ZWILCH: variants seen among roughly 807,000 people sequenced by gnomAD.
ZWILCH encodes the protein protein zwilch homolog.
ZWILCH carries 74 observed loss-of-function variants against 79.9 expected under a neutral mutation model. The ratio of observed to expected loss-of-function variants is 0.93; its 90% CI spans 0.77 to 1.12. The LOEUF is 1.12. Ranked by LOEUF, ZWILCH falls within the 50% of genes most tolerant of loss-of-function variation. ZWILCH has a pLI of 0.00. For missense variants in ZWILCH, 694 were observed against 687.5 expected (o/e 1.01, Z -0.11); for synonymous variants, 241 against 228.2 (o/e 1.06, Z -0.51).
At chr15:66,520,736 T>C in intron 6 of ZWILCH, 76 bp downstream of exon 6, 1 of 979,356 alleles carries the variant, frequency 1.0e-6, no homozygotes, top group Non-Finnish European at 1.5e-6. Flanking sequence ...CAGGTTTTTT[T>C]TCACTCCTAA....
intron 10 of ZWILCH, 41 bp downstream of exon 10, chr15:66,527,953 C>A: frequency 6.6e-7 from 1 of 1,524,050 alleles, no homozygotes; most frequent in Non-Finnish European, 8.9e-7. Context: ...ACAGAAATAG[C>A]TTTTAAAATT....
chr15:66,537,105 A>G (rs79853278), intron 15 of ZWILCH, 63 bp from the exon 16 acceptor site: 17,759 of 1,315,634 alleles, frequency 0.013, 198 homozygotes, highest in South Asian at 0.03. Context: ...GCTTTAGACT[A>G]CCAGAAAAAC....
chr15:66,544,207 A>G (rs1316112452), intron 17 of ZWILCH, among the ~76,000 whole-genome samples: 1 of 151,828 alleles, frequency 6.6e-6, no homozygotes, highest in African/African-American at 2.4e-5. Flanking sequence ...CAGTGAGCCG[A>G]TATCACGCCA....
At chr15:66,520,132 G>T (rs1894440159) in intron 5 of ZWILCH, among the ~76,000 whole-genome samples, 1 of 151,258 alleles carries the variant, frequency 6.6e-6, no homozygotes, top group South Asian at 2.1e-4. Flanking sequence ...CTTATTTTTA[G>T]TTTTTTGAGG....
intron 4 of ZWILCH, among the ~76,000 whole-genome samples, chr15:66,516,710 T>C (rs8027892): frequency 0.2 from 30,620 of 152,058 alleles, 3,789 homozygotes; most frequent in South Asian, 0.32. Context: ...TTTCACCATG[T>C]TAGCCAGGCT....
intron 8 of ZWILCH, chr15:66,524,547 T>A (rs1428211779): frequency 2.0e-5 from 3 of 152,204 alleles, no homozygotes; most frequent in African/African-American, 7.2e-5. Context: ...CTCCCACCTC[T>A]TTGCTAGGTG....
chr15:66,518,914 C>T lies in ZWILCH; in HGVS notation c.356C>T (p.Pro119Leu). Residue 119 changes from proline to leucine, a missense_variant, in exon 5 of 19, where the codon CCT becomes CTT. Transcript: ENST00000307897. The stretch of plus-strand genomic sequence containing the variant: ...GGACTTTACACCATGGCTCACAATC[C>T]TAATATGACCCATTTGAAGATTAAT... ...LIGLYTMAHN[P>L]NMTHLKINLP... is the part of the protein sequence containing the mutation. 6.2e-7 allele frequency: 1 copy of T among 1,614,200 alleles called. No individual in the cohort carries two copies. The highest frequency in any genetic ancestry group is 8.5e-7 in the Non-Finnish European group (1 of 1,180,030).
At chr15:66,517,745 T>C (rs1222702550) in intron 4 of ZWILCH, among the ~76,000 whole-genome samples, 1 of 60,618 alleles carries the variant, frequency 1.6e-5, no homozygotes, top group African/African-American at 8.7e-5. Context: ...TTTTTTTTTT[T>C]TTTTTTTGAG....
At chr15:66,517,508 A>G (rs997064884) in intron 4 of ZWILCH, among the ~76,000 whole-genome samples, 6 of 142,724 alleles carry the variant, frequency 4.2e-5, no homozygotes, top group African/African-American at 1.6e-4. Context: ...CAATGTAGTG[A>G]AGATCTGGCA....
At chr15:66,530,879 T>A (rs1894832175) in intron 12 of ZWILCH, among the ~76,000 whole-genome samples, 1 of 152,248 alleles carries the variant, frequency 6.6e-6, no homozygotes, top group Non-Finnish European at 1.5e-5. Context: ...GCATTAGTGA[T>A]TCTAGGCATT....
chr15:66,514,051 G>GAA lies in ZWILCH; in HGVS notation c.172_173dup (p.Asn58LysfsTer4). The GAA allele has an allele frequency of 6.2e-7, 1 of 1,611,794 alleles. No homozygotes were observed. The highest frequency in any genetic ancestry group is 1.1e-5 in the South Asian group (1 of 90,794). The stretch of plus-strand genomic sequence containing the variant: ...AAACCCTTTGAAAAATATTCTAAAT[G>GAA]AAAATGACATAGTATTCATAGTGGA... On this transcript the variant is annotated frameshift_variant, in exon 3 of 19. Transcript: ENST00000307897. LOFTEE classifies it high-confidence loss of function.
At chr15:66,544,700 GT>G (rs1179418953) in intron 17 of ZWILCH, among the ~76,000 whole-genome samples, 1 of 116,762 alleles carries the variant, frequency 8.6e-6, no homozygotes, top group Non-Finnish European at 1.7e-5. Flanking sequence ...AAAATGCCTT[GT>G]TTTTTTGTTG....
In ZWILCH at chr15:66,505,385, T is replaced by A. The variant is rs1454361865; in HGVS notation, c.47T>A (p.Leu16His). ...GCAGCAGAGGACTTTTATTCTCGTCTCCTTCAGTGAGTCTAGTCTCTTCTT... is the reference window on the plus strand; with the variant it reads ...GCAGCAGAGGACTTTTATTCTCGTCACCTTCAGTGAGTCTAGTCTCTTCTT... Reference protein sequence around the residue: ...NCAAEDFYSRLLQKFNEEKKG... With the variant: ...NCAAEDFYSRHLQKFNEEKKG... Residue 16 changes from leucine (L) to histidine (H), a missense_variant, in exon 1 of 19, where the codon CTC (leucine) becomes CAC (histidine). Transcript: ENST00000307897. 1 of 1,614,164 alleles carries A rather than the reference T, an allele frequency of 6.2e-7. No individual in the cohort carries two copies. The highest frequency in any genetic ancestry group is 2.2e-5 in the East Asian group (1 of 44,884).
chr15:66,508,545 T>C (rs913695753), intron 1 of ZWILCH, among the ~76,000 whole-genome samples: 2 of 152,238 alleles, frequency 1.3e-5, no homozygotes, highest in Non-Finnish European at 2.9e-5. Context: ...AGACACACAG[T>C]AGAAGCAGGC....
chr15:66,522,112 C>T (rs1022481844), intron 7 of ZWILCH, among the ~76,000 whole-genome samples: 2 of 151,718 alleles, frequency 1.3e-5, no homozygotes, highest in Non-Finnish European at 2.9e-5. Flanking sequence ...GCAGAAGAAT[C>T]GCTTGAACCC....
intron 17 of ZWILCH, among the ~76,000 whole-genome samples, chr15:66,542,150 A>G (rs1366371772): frequency 6.6e-6 from 1 of 152,220 alleles, no homozygotes; most frequent in Non-Finnish European, 1.5e-5. Flanking sequence ...ATAAACTAGG[A>G]AAAGAAATTT....
intron 17 of ZWILCH, among the ~76,000 whole-genome samples, chr15:66,542,339 A>G (rs896156076): frequency 3.3e-5 from 5 of 152,174 alleles, no homozygotes; most frequent in Admixed American, 6.5e-5. Flanking sequence ...TAATCCCAGC[A>G]CTTTGGGAGG....
intron 8 of ZWILCH, among the ~76,000 whole-genome samples, chr15:66,524,045 C>T (rs960209671): frequency 1.3e-5 from 2 of 152,038 alleles, no homozygotes; most frequent in Admixed American, 6.6e-5. Flanking sequence ...GTTCATTCAT[C>T]AGTCGATTGA....
chr15:66,523,898 T>TA (rs1894588791), intron 8 of ZWILCH, 150 bp downstream of exon 8: 4 of 516,544 alleles, frequency 7.7e-6, no homozygotes, highest in Non-Finnish European at 1.3e-5. Context: ...AGTTAAATTT[T>TA]ACTTCTGTGG....
Sources: gnomAD v4.1 joint callset for allele counts (sites outside exome capture counted in the v4.1 genomes callset) on GRCh38, gnomAD v4.1.1 for gene constraint, MANE v1.5 for transcripts, NCBI Gene and HGNC (gene_info 2026-07-23, HGNC 2026-07-21) for gene names.